The following MTO1 variants were observed in gnomAD, a reference collection of about 807,000 sequenced individuals.
MTO1 encodes 5-taurinomethyluridine-[tRNA] synthase subunit MTO1, mitochondrial.
Under a neutral mutation model 71.6 loss-of-function variants are expected in MTO1, and 46 were observed. The ratio of observed to expected loss-of-function variants is 0.64; its 90% CI spans 0.51 to 0.82. The LOEUF (loss-of-function observed/expected upper bound fraction) is 0.82, where lower values mean the gene tolerates loss of function less well. Ranked by LOEUF, MTO1 falls within the 40% of genes least tolerant of loss-of-function variation. The probability of loss-of-function intolerance (pLI) is 0.00; values close to 1 mark genes in which losing one functional copy is unlikely to be tolerated. For synonymous variants in MTO1, 297 were observed against 312.1 expected (o/e 0.95, Z 0.51); for missense variants, 773 against 867.5 (o/e 0.89, Z 1.37).
intron 9 of MTO1, among the ~76,000 whole-genome samples, chr6:73,489,349 A>G (rs749347171): frequency 1.3e-5 from 2 of 150,014 alleles, no homozygotes; most frequent in Admixed American, 6.7e-5. Context: ...GGTTTGTTAC[A>G]TATATATACA....
chr6:73,468,752 C>T (rs143339503), intron 3 of MTO1, among the ~76,000 whole-genome samples: 17 of 151,954 alleles, frequency 1.1e-4, no homozygotes, highest in African/African-American at 4.1e-4. Context: ...GGATTACAGA[C>T]AGCAGCAACC....
intron 9 of MTO1, among the ~76,000 whole-genome samples, chr6:73,488,712 G>A (rs1469082456): frequency 6.6e-6 from 1 of 151,080 alleles, no homozygotes; most frequent in African/African-American, 2.4e-5. Context: ...AGTTCAAGAC[G>A]AGCCTGGCCA....
chr6:73,463,667 G>T (rs1328004792), intron 1 of MTO1, among the ~76,000 whole-genome samples: 1 of 152,106 alleles, frequency 6.6e-6, no homozygotes, highest in African/African-American at 2.4e-5. Context: ...TTTTGTGGGT[G>T]GGGGAGAGGA....
At chr6:73,478,170 C>T (rs943614321) in intron 4 of MTO1, among the ~76,000 whole-genome samples, 1 of 151,366 alleles carries the variant, frequency 6.6e-6, no homozygotes, top group African/African-American at 2.4e-5. Context: ...TGCTTGAACC[C>T]GGGAGGCAGA....
intron 8 of MTO1, 61 bp from the exon 9 acceptor site, chr6:73,482,388 T>C: frequency 1.3e-6 from 2 of 1,557,830 alleles, no homozygotes; most frequent in South Asian, 2.3e-5. Flanking sequence ...ACACTGTCTC[T>C]ACAAAAAAAT....
In MTO1 at chr6:73,462,049, C is replaced by A; in HGVS notation, c.195C>A (p.Leu65=). The change falls in exon 1 of 12, where the codon CTC becomes CTA. Residue 65 remains leucine (L), a synonymous_variant. Transcript: ENST00000498286. The part of the protein sequence containing the change: ...AARCGSRTLL[L]THRVDTIGQM... ...GGTGCGGCTCTCGGACTCTGCTCCT[C>A]ACTCACCGCGTGGACACGATCGGTG... The A allele has an allele frequency of 6.2e-7, 1 of 1,613,844 alleles. No individual in the cohort carries two copies. Among genetic ancestry groups the A allele is most frequent in the Non-Finnish European group, 8.5e-7 (1 of 1,179,916 alleles).
chr6:73,482,643 T>C, intron 9 of MTO1, 23 bp downstream of exon 9: 1 of 1,548,922 alleles, frequency 6.5e-7, no homozygotes, highest in South Asian at 1.2e-5. Context: ...AATATAGACC[T>C]TTCTCACTTT....
Position 73,466,177 on chromosome 6 carries a change from A to G in MTO1, c.218-32A>G, listed in dbSNP as rs772899767. ...TAGTCACTATGTGCAAGGTGCTCAT[A>G]TATTTATTTTGTTTATGTCTATTAT... On this transcript the variant is annotated intron_variant, in intron 1 of 11. Transcript: ENST00000498286. The G allele has an allele frequency of 2.9e-5, 45 of 1,553,298 alleles. No homozygotes were observed. In the East Asian group the frequency reaches 5.2e-4, roughly 18 times the overall value.
chr6:73,470,854 A>G (rs1469031349), intron 3 of MTO1, among the ~76,000 whole-genome samples: 3 of 152,084 alleles, frequency 2.0e-5, no homozygotes, highest in Admixed American at 1.3e-4. Flanking sequence ...TCAGGAGGCT[A>G]AGGCAGGAGA....
rs921719666 is a variant in MTO1, at chr6:73,504,952, C to G, written c.*4217C>G. On this transcript the variant is annotated 3_prime_UTR_variant, in exon 12 of 12. Coordinates refer to ENST00000498286, the MANE Select transcript of MTO1 (RefSeq NM_012123.4). ...CATTTTGGGATTACAAATCTGCCAG[C>G]GCAAGCAGATCACTTGAGGATAGGA... 6 of 151,212 alleles carry G rather than the reference C, an allele frequency of 4.0e-5. No homozygotes were observed. The highest frequency in any genetic ancestry group is 1.5e-4 in the African/African-American group (6 of 41,158). The allele number at this position is 151,212 out of a possible 1,614,324, so 9.4% of individuals were successfully genotyped here.
Position 73,466,196 on chromosome 6 carries a change from C to A in MTO1, c.218-13C>A, listed in dbSNP as rs1770979879. On this transcript the variant is annotated splice_polypyrimidine_tract_variant and intron_variant, in intron 1 of 11. Coordinates refer to ENST00000498286, the MANE Select transcript of MTO1 (RefSeq NM_012123.4). ...GCTCATATATTTATTTTGTTTATGT[C>A]TATTATCTTTAGGTCAGATGTCATG... 6.2e-7 allele frequency: 1 copy of A among 1,601,298 alleles called. No individual in the cohort carries two copies. The highest frequency in any genetic ancestry group is 1.7e-5 in the Admixed American group (1 of 59,940).
At chr6:73,495,867 A>G (rs995273683) in intron 10 of MTO1, among the ~76,000 whole-genome samples, 3 of 152,176 alleles carry the variant, frequency 2.0e-5, no homozygotes, top group African/African-American at 4.8e-5. Flanking sequence ...AGCTATTTAC[A>G]TGCATTATTT....
chr6:73,495,230 A>C (rs147904244), intron 10 of MTO1, among the ~76,000 whole-genome samples: 330 of 152,320 alleles, frequency 2.2e-3, no homozygotes, highest in Non-Finnish European at 3.9e-3. Context: ...CTCTAGAATT[A>C]TTCTTCCAAA....
Position 73,500,585 on chromosome 6 carries a change from T to A in MTO1, c.1929T>A (p.Ala643=), listed in dbSNP as rs779392966. 1.1e-5 allele frequency: 17 copies of A among 1,612,482 alleles called. No homozygotes were observed. The Admixed American group carries it at 2.7e-4, about 25-fold the overall frequency. The change falls in exon 12 of 12, where the codon GCT becomes GCA. Residue 643 remains alanine, a synonymous_variant. Transcript: ENST00000498286. ...GTATTGATTTTTAGATCGGGGCTGC[T>A]AGTCGCATACCCGGAGTAACACCTG... ...HFSRPQTIGA[A]SRIPGVTPAA...
chr6:73,483,899 C>T (rs1197038657), intron 9 of MTO1, among the ~76,000 whole-genome samples: 1 of 151,800 alleles, frequency 6.6e-6, no homozygotes, highest in Non-Finnish European at 1.5e-5. Flanking sequence ...CTGCCTCAGC[C>T]TCCTGAGTAG....
intron 3 of MTO1, among the ~76,000 whole-genome samples, chr6:73,469,897 C>T (rs1403369787): frequency 1.3e-5 from 2 of 151,818 alleles, no homozygotes; most frequent in Admixed American, 1.3e-4. Context: ...CCTAGCCACT[C>T]GGGAGGCTGA....
chr6:73,475,528 C>A (rs985072915), intron 4 of MTO1, among the ~76,000 whole-genome samples: 1 of 116,792 alleles, frequency 8.6e-6, no homozygotes, highest in Non-Finnish European at 1.8e-5. Flanking sequence ...TTTTTTTTTT[C>A]TTTGAGATGG....
intron 4 of MTO1, among the ~76,000 whole-genome samples, chr6:73,477,694 A>G (rs1192849159): frequency 1.3e-5 from 2 of 151,594 alleles, no homozygotes; most frequent in Admixed American, 6.6e-5. Context: ...TTTTGTAGAG[A>G]TGAGTTTTTG....
intron 4 of MTO1, among the ~76,000 whole-genome samples, chr6:73,477,092 AT>A (rs1324415398): frequency 2.0e-5 from 3 of 150,214 alleles, no homozygotes; most frequent in Admixed American, 1.3e-4. Flanking sequence ...TGACCAAAAA[AT>A]TTTTTTAAAG....
Sources: allele counts gnomAD v4.1 joint callset (sites outside exome capture counted in the v4.1 genomes callset), GRCh38; gene constraint gnomAD v4.1.1; transcripts MANE v1.5; gene names NCBI Gene and HGNC (gene_info 2026-07-23, HGNC 2026-07-21).